Variants in IQSEC1 observed in about 807,000 individuals in gnomAD.
IQSEC1 encodes IQ motif and SEC7 domain-containing protein 1.
In IQSEC1, 31 loss-of-function variants were observed where a neutral mutation model predicts 91.0. That is an observed-to-expected ratio of 0.34 (90% CI 0.26 to 0.46). IQSEC1 has a LOEUF of 0.46. Among genes scored for constraint, IQSEC1 ranks in the 20% least tolerant of loss-of-function variants. The pLI is 1.00. For missense variants in IQSEC1, 1,388 were observed against 1,575.6 expected (o/e 0.88, Z 2.02); for synonymous variants, 699 against 662.6 (o/e 1.05, Z -0.84).
chr3:13,256,505 A>C (rs185307519), intron 1 of IQSEC1, among the ~76,000 whole-genome samples: 2 of 152,290 alleles, frequency 1.3e-5, no homozygotes, highest in Non-Finnish European at 2.9e-5. Context: ...CCCCCACCTG[A>C]CAGATAAGCA....
chr3:13,123,849 T>C (rs1215320022), intron 2 of IQSEC1, among the ~76,000 whole-genome samples: 1 of 152,222 alleles, frequency 6.6e-6, no homozygotes. Flanking sequence ...GATTACAGAC[T>C]CTAGGTTATG....
chr3:13,243,282 G>A (rs184403665), intron 1 of IQSEC1, among the ~76,000 whole-genome samples: 155 of 152,288 alleles, frequency 1.0e-3, no homozygotes, highest in South Asian at 2.9e-3. Flanking sequence ...CAAGCTTTGA[G>A]GGAGGGGAGA....
chr3:12,940,184 C>T lies in IQSEC1; in HGVS notation c.318+1387G>A, dbSNP rs1438845223. 6.6e-6 allele frequency among the ~76,000 whole-genome samples: 1 copy of T among 152,044 alleles called. No individual in the cohort carries two copies. The highest frequency in any genetic ancestry group is 2.4e-5 in the African/African-American group (1 of 41,400). The stretch of plus-strand genomic sequence containing the variant: ...GGATAAAGGAACAGAGGTTGCTCTG[C>T]CCTGTGTCGGTCCGGCCTAAGTTGC... On this transcript the variant is annotated intron_variant, in intron 2 of 13. Transcript: ENST00000613206. The surrounding 1 kb of genome is among the most constrained non-coding windows in gnomAD (Gnocchi z 4.4).
intron 1 of IQSEC1, among the ~76,000 whole-genome samples, chr3:13,227,343 T>C (rs951263474): frequency 2.4e-4 from 29 of 120,792 alleles, no homozygotes; most frequent in African/African-American, 9.4e-4. Context: ...GCCATTGCAT[T>C]CCAGCCTGGG....
intron 10 of IQSEC1, among the ~76,000 whole-genome samples, chr3:12,911,230 G>A (rs1695524450): frequency 6.6e-6 from 1 of 152,206 alleles, no homozygotes; most frequent in South Asian, 2.1e-4. Context: ...CCAGGCTGAG[G>A]GGCTCAGTTC....
At chr3:13,030,698 G>C (rs1424968238) in intron 1 of IQSEC1, among the ~76,000 whole-genome samples, 1 of 152,222 alleles carries the variant, frequency 6.6e-6, no homozygotes, top group African/African-American at 2.4e-5. Context: ...TACGAGACAC[G>C]TGCACTGTGT....
chr3:13,036,355 C>A (rs1428881873), intron 1 of IQSEC1, among the ~76,000 whole-genome samples: 1 of 152,124 alleles, frequency 6.6e-6, no homozygotes, highest in African/African-American at 2.4e-5. Flanking sequence ...ATAATAGTAT[C>A]CCTTTCACAA....
At position 13,130,668 on chromosome 3, in the gene IQSEC1, G is replaced by T. The variant is rs1706596756; in HGVS notation, c.302+33436C>A. Among the ~76,000 whole-genome samples, 2 of 152,106 alleles carry T rather than the reference G, an allele frequency of 1.3e-5. 1 individual carries two copies. The highest frequency in any genetic ancestry group is 4.1e-4 in the South Asian group (2 of 4,832). On this transcript the variant is annotated intron_variant, in intron 2 of 15. Coordinates refer to the IQSEC1 transcript ENST00000648114. ...AAGAGGGGCACTGGCTGGGATTACT[G>T]GCTCACGCCTGTAATCCCAACACTT...
At chr3:12,934,529 C>T (rs1336328957) in intron 3 of IQSEC1, among the ~76,000 whole-genome samples, 14 of 152,276 alleles carry the variant, frequency 9.2e-5, no homozygotes, top group East Asian at 5.8e-4. Flanking sequence ...GGAAAACTGT[C>T]GTCTGCCCCT....
chr3:13,108,566 ACGAAAC>A (rs1367617335), intron 2 of IQSEC1, among the ~76,000 whole-genome samples: 1 of 151,576 alleles, frequency 6.6e-6, no homozygotes, highest in Non-Finnish European at 1.5e-5. Flanking sequence ...TCTCCTTTTG[ACGAAAC>A]ACCCCCCTAC....
At chr3:13,116,380 G>A (rs1706335996) in intron 2 of IQSEC1, among the ~76,000 whole-genome samples, 2 of 152,226 alleles carry the variant, frequency 1.3e-5, no homozygotes, top group Admixed American at 6.5e-5. Flanking sequence ...AAATGAATGG[G>A]TGTGGCTGTG....
chr3:13,022,408 C>T lies in IQSEC1; in HGVS notation c.23+50584G>A. On this transcript the variant is annotated intron_variant, in intron 1 of 13. Transcript: ENST00000613206. The stretch of plus-strand genomic sequence containing the variant: ...CACACACTAGACCCTGTGGCTTCTG[C>T]ACAACCTTGCGCCTGCCTCCTGCCA... 1.8e-6 allele frequency: 2 copies of T among 1,086,800 alleles called. 1 individual carries two copies. Among genetic ancestry groups the T allele is most frequent in the East Asian group, 1.1e-4 (2 of 18,134 alleles). 67.3% of individuals were successfully genotyped at this position (1,086,800 alleles called of 1,614,324 possible).
At chr3:13,066,526 C>A (rs1705235332) in intron 1 of IQSEC1, among the ~76,000 whole-genome samples, 1 of 152,236 alleles carries the variant, frequency 6.6e-6, no homozygotes, top group African/African-American at 2.4e-5. Context: ...GAAGGGCACT[C>A]CCGGCAGAGG....
intron 1 of IQSEC1, among the ~76,000 whole-genome samples, chr3:12,995,865 A>G (rs1275399718): frequency 1.3e-5 from 2 of 152,114 alleles, no homozygotes; most frequent in African/African-American, 2.4e-5. Flanking sequence ...CTACCCTTCC[A>G]TATTATTGGA....
At chr3:13,261,380 T>G (rs1695382823) in intron 1 of IQSEC1, among the ~76,000 whole-genome samples, 1 of 152,330 alleles carries the variant, frequency 6.6e-6, no homozygotes, top group South Asian at 2.1e-4. Flanking sequence ...GCATTGGCTA[T>G]GGGAGGCCTC....
intron 1 of IQSEC1, among the ~76,000 whole-genome samples, chr3:13,031,611 G>T (rs1703845245): frequency 6.6e-6 from 1 of 152,162 alleles, no homozygotes; most frequent in Non-Finnish European, 1.5e-5. Context: ...AACCTACTGT[G>T]TGCCAGGCAC....
intron 1 of IQSEC1, among the ~76,000 whole-genome samples, chr3:13,007,498 T>C (rs1431000339): frequency 6.6e-6 from 1 of 152,204 alleles, no homozygotes; most frequent in Non-Finnish European, 1.5e-5. Context: ...TCAATTCTGA[T>C]GCTGCCACTT....
At chr3:12,984,008 G>C (rs1346598469) in intron 1 of IQSEC1, among the ~76,000 whole-genome samples, 2 of 152,164 alleles carry the variant, frequency 1.3e-5, no homozygotes, top group Non-Finnish European at 2.9e-5. Context: ...GGTCTGCACA[G>C]AGCTGTCCTG....
At chr3:13,089,526 A>G (rs1705801188) in intron 2 of IQSEC1, among the ~76,000 whole-genome samples, 2 of 152,212 alleles carry the variant, frequency 1.3e-5, no homozygotes, top group Non-Finnish European at 2.9e-5. Flanking sequence ...TCAAGGCTTC[A>G]GTGAGCTGTG....
Sources: allele counts gnomAD v4.1 joint callset (sites outside exome capture counted in the v4.1 genomes callset), GRCh38; gene constraint gnomAD v4.1.1; non-coding constraint Gnocchi (gnomAD v3.1); transcripts MANE v1.5; gene names NCBI Gene and HGNC (gene_info 2026-07-23, HGNC 2026-07-21).